ASPM: variants seen among roughly 807,000 people sequenced by gnomAD.
The protein encoded by ASPM is abnormal spindle-like microcephaly-associated protein.
A neutral mutation model predicts 366.4 loss-of-function variants in ASPM; 256 were observed. The ratio of observed to expected loss-of-function variants is 0.70; its 90% CI spans 0.63 to 0.77. ASPM has a LOEUF of 0.77. Ranked by LOEUF, ASPM falls within the 30% of genes least tolerant of loss-of-function variation. The probability of loss-of-function intolerance (pLI) is 0.00; values close to 1 mark genes in which losing one functional copy is unlikely to be tolerated. For synonymous variants in ASPM, 1,414 were observed against 1,342.9 expected (o/e 1.05, Z -1.16); for missense variants, 4,146 against 4,090.4 (o/e 1.01, Z -0.37).
rs1226058691 is a variant in ASPM at position 197,100,628 on chromosome 1, T to C, written c.8623A>G (p.Thr2875Ala). Residue 2875 changes from threonine (T) to alanine (A), a missense_variant, in exon 18 of 28, where the codon ACC becomes GCC. Coordinates refer to ENST00000367409, the MANE Select transcript of ASPM (RefSeq NM_018136.5). ...CTATATAGTAAAAACTGTTTTCTGGTTTGCCACGTCCTAAAATAATGCTGT... is the reference window on the plus strand; with the variant it reads ...CTATATAGTAAAAACTGTTTTCTGGCTTGCCACGTCCTAAAATAATGCTGT... Reference protein sequence around the residue: ...TLQHYFRTWQTRKQFLLYRKA... With the variant: ...TLQHYFRTWQARKQFLLYRKA... 1.5e-5 allele frequency: 24 copies of C among 1,612,082 alleles called. No individual in the cohort carries two copies. Among genetic ancestry groups the C allele is most frequent in the Non-Finnish European group, 2.0e-5 (24 of 1,178,884 alleles).
chr1:197,088,653 T>C (rs1656676573), intron 25 of ASPM, among the ~76,000 whole-genome samples: 1 of 152,096 alleles, frequency 6.6e-6, no homozygotes, highest in Non-Finnish European at 1.5e-5. Context: ...CTTTTCCCCC[T>C]AATTCTAAAG....
At chr1:197,124,797 T>C in intron 12 of ASPM, 73 bp downstream of exon 12, 1 of 1,220,206 alleles carries the variant, frequency 8.2e-7, no homozygotes, top group South Asian at 1.2e-5. Flanking sequence ...TATTCTTTAT[T>C]AGATTCAAAT....
At position 197,125,290 on chromosome 1, in the gene ASPM, T is replaced by G. The variant is rs542706414; in HGVS notation, c.2937-99A>C. On this transcript the variant is annotated intron_variant, in intron 10 of 27. Transcript: ENST00000367409. ...TATTTCCCACATAAATCCCAACAGTTACAGGGCTTTATGATCAGAAAGACT... is the reference window on the plus strand; with the variant it reads ...TATTTCCCACATAAATCCCAACAGTGACAGGGCTTTATGATCAGAAAGACT... The G allele has an allele frequency of 7.8e-6, 11 of 1,401,946 alleles. No homozygotes were observed. The African/African-American group carries it at 1.4e-4, about 18-fold the overall frequency. 86.8% of individuals were successfully genotyped at this position (1,401,946 alleles called of 1,614,324 possible). A position where few individuals can be genotyped will look rare whatever the true frequency, so the allele number is the denominator to read the frequency against.
In ASPM at chr1:197,105,073, T is replaced by C; in HGVS notation, c.4178A>G (p.Tyr1393Cys). The stretch of plus-strand genomic sequence containing the variant: ...CTGAATTGTAACTGTAGCCCAAAGA[T>C]ATCGTTTATAAGATGTAACAGCAAT... ...MIIAVTSYKR[Y>C]LWATVTIQRH... is the part of the protein sequence containing the mutation. The change falls in exon 18 of 28, where the codon TAT becomes TGT. Residue 1393 changes from tyrosine to cysteine, a missense_variant. By Grantham distance (194) the Tyr-to-Cys change is radical. Transcript: ENST00000367409. 1.2e-6 allele frequency: 2 copies of C among 1,610,192 alleles called. No homozygotes were observed. Among genetic ancestry groups the C allele is most frequent in the East Asian group, 2.2e-5 (1 of 44,732 alleles).
chr1:197,143,344 G>A lies in ASPM; in HGVS notation c.908C>T (p.Ser303Phe). The A allele has an allele frequency of 2.5e-6, 4 of 1,613,940 alleles. No homozygotes were observed. The highest frequency in any genetic ancestry group is 3.4e-6 in the Non-Finnish European group (4 of 1,179,832). Residue 303 changes from serine (S) to phenylalanine (F), a missense_variant, in exon 3 of 28, where the codon TCT (serine) becomes TTT (phenylalanine). Physicochemically the swap from Ser to Phe is radical, Grantham distance 155 (BLOSUM62 -2). This residue lies in a region of ASPM where 512 missense variants were observed against 471.7 expected (regional missense o/e 1.09). Transcript: ENST00000367409. ...GCTTTGTGTAATGTTCAAAGTTGAAGAACAGTTGGGGGTAAGACTAAGTTT... is the reference window on the plus strand; with the variant it reads ...GCTTTGTGTAATGTTCAAAGTTGAAAAACAGTTGGGGGTAAGACTAAGTTT... ...NSKLSLTPNC[S>F]STLNITQSQI...
At chr1:197,116,204 C>A (rs765227852) in intron 17 of ASPM, among the ~76,000 whole-genome samples, 21 of 152,154 alleles carry the variant, frequency 1.4e-4, no homozygotes, top group Middle Eastern at 3.2e-3. Flanking sequence ...TCATTCTCTG[C>A]TAGCTTCAAA....
chr1:197,115,778 T>C (rs934579853), intron 17 of ASPM, among the ~76,000 whole-genome samples: 4 of 152,200 alleles, frequency 2.6e-5, no homozygotes, highest in Non-Finnish European at 4.4e-5. Context: ...CAGTAAACCC[T>C]GCTATAAACA....
rs1226991303 is a variant in ASPM at position 197,103,384 on chromosome 1, G to T, written c.5867C>A (p.Ser1956Tyr). The change falls in exon 18 of 28, where the codon TCT becomes TAT. Residue 1956 changes from serine (S) to tyrosine (Y), a missense_variant. Coordinates refer to ENST00000367409, the MANE Select transcript of ASPM (RefSeq NM_018136.5). ...ELRHAVLVLQ[S>Y]MWKGKTLRRQ... ...TCTCAGTGTTTTTCCCTTCCACATAGATTGAAGCACCAGTACCGCATGACG... is the reference window on the plus strand; with the variant it reads ...TCTCAGTGTTTTTCCCTTCCACATATATTGAAGCACCAGTACCGCATGACG... 1.2e-6 allele frequency: 2 copies of T among 1,613,194 alleles called. No individual in the cohort carries two copies. Among genetic ancestry groups the T allele is most frequent in the Admixed American group, 3.3e-5 (2 of 59,884 alleles).
In ASPM at chr1:197,086,984, A is replaced by G; in HGVS notation, c.10162-12T>C. Reference sequence around the variant, plus strand: ...CTACTTCGTACATCCTACAAAATAAAATGCACAGTTACTAAAAAGTAATAA... The same window carrying G: ...CTACTTCGTACATCCTACAAAATAAGATGCACAGTTACTAAAAAGTAATAA... On this transcript the variant is annotated splice_polypyrimidine_tract_variant and intron_variant, in intron 26 of 27. Coordinates refer to ENST00000367409, the MANE Select transcript of ASPM (RefSeq NM_018136.5). 6.2e-7 allele frequency: 1 copy of G among 1,601,824 alleles called. No individual in the cohort carries two copies. The highest frequency in any genetic ancestry group is 8.5e-7 in the Non-Finnish European group (1 of 1,175,916).
Position 197,125,304 on chromosome 1 carries a change from A to G in ASPM, c.2937-113T>C, listed in dbSNP as rs1408479107. On this transcript the variant is annotated intron_variant, in intron 10 of 27. Coordinates refer to ENST00000367409, the MANE Select transcript of ASPM (RefSeq NM_018136.5). The stretch of plus-strand genomic sequence containing the variant: ...ATCCCAACAGTTACAGGGCTTTATG[A>G]TCAGAAAGACTTCAAAAAACTATCT... 3.1e-6 allele frequency: 4 copies of G among 1,294,456 alleles called. No homozygotes were observed. In the African/African-American group the frequency reaches 4.4e-5, roughly 14 times the overall value. 80.2% of individuals were successfully genotyped at this position (1,294,456 alleles called of 1,614,324 possible). A position where few individuals can be genotyped will look rare whatever the true frequency, so the allele number is the denominator to read the frequency against.
chr1:197,137,305 G>A (rs1164205015), intron 4 of ASPM, among the ~76,000 whole-genome samples: 1 of 152,080 alleles, frequency 6.6e-6, no homozygotes, highest in South Asian at 2.1e-4. Context: ...AATAATTGCC[G>A]CTATGTGTCA....
Position 197,133,283 on chromosome 1 carries a change from G to GA in ASPM, c.2419+66dup, listed in dbSNP as rs1269826964. On this transcript the variant is annotated intron_variant, in intron 6 of 27. Coordinates refer to ENST00000367409, the MANE Select transcript of ASPM (RefSeq NM_018136.5). ...CAATTATATGTCAATAAAGCCGGGG[G>GA]AAAAAAACACAAAATCTCTTGAATG... is the stretch of plus-strand genomic sequence containing the variant. 25 of 1,531,316 alleles carry GA rather than the reference G, an allele frequency of 1.6e-5. No individual in the cohort carries two copies. The East Asian group carries it at 2.7e-4, about 17-fold the overall frequency. The allele number at this position is 1,531,316 out of a possible 1,614,324, so 94.9% of individuals were successfully genotyped here. A position where few individuals can be genotyped will look rare whatever the true frequency, so the allele number is the denominator to read the frequency against.
At chr1:197,088,508 A>C in intron 25 of ASPM, 76 bp from the exon 26 acceptor site, 4 of 1,425,356 alleles carry the variant, frequency 2.8e-6, no homozygotes, top group Admixed American at 1.9e-5. Context: ...AAAAAACAAA[A>C]TACAAAAGTC....
At position 197,102,772 on chromosome 1, in the gene ASPM, C is replaced by G. The variant is rs539328833; in HGVS notation, c.6479G>C (p.Arg2160Pro). 6.2e-7 allele frequency: 1 copy of G among 1,612,514 alleles called. No homozygotes were observed. The highest frequency in any genetic ancestry group is 8.5e-7 in the Non-Finnish European group (1 of 1,179,204). ...CRAYYQGKMQ[R>P]EKYLTILKAV... ...TTTCAAAATTGTCAGGTACTTTTCA[C>G]GCTGCATTTTACCTTGATAATATGC... is the stretch of plus-strand genomic sequence containing the variant. The change falls in exon 18 of 28, where the codon CGT (arginine) becomes CCT (proline). Residue 2160 changes from arginine (R) to proline (P), a missense_variant. This residue lies in a region of ASPM where 3,624 missense variants were observed against 3,591.7 expected (regional missense o/e 1.01). Transcript: ENST00000367409.
chr1:197,116,398 A>C (rs1221626954), intron 17 of ASPM, among the ~76,000 whole-genome samples: 2 of 152,196 alleles, frequency 1.3e-5, no homozygotes, highest in African/African-American at 4.8e-5. Flanking sequence ...ACTAATGAAA[A>C]AGTTTGAAAT....
chr1:197,087,548 C>T (rs567654456), intron 26 of ASPM, among the ~76,000 whole-genome samples: 20 of 106,340 alleles, frequency 1.9e-4, no homozygotes, highest in Non-Finnish European at 2.9e-4. Context: ...GTCAACATAG[C>T]AATTATAGTC....
Position 197,104,488 on chromosome 1 carries a change from T to C in ASPM, c.4763A>G (p.Lys1588Arg). 6.2e-7 allele frequency: 1 copy of C among 1,612,764 alleles called. No individual in the cohort carries two copies. The highest frequency in any genetic ancestry group is 8.5e-7 in the Non-Finnish European group (1 of 1,179,336). The change falls in exon 18 of 28, where the codon AAA (lysine) becomes AGA (arginine). Residue 1588 changes from lysine to arginine, a missense_variant. Physicochemically the swap from Lys to Arg is conservative, Grantham distance 26. Coordinates refer to ENST00000367409, the MANE Select transcript of ASPM (RefSeq NM_018136.5). ...RFLNLKKTII[K>R]FQAHVRKHQQ... ...ATGTTTTCTTACATGTGCCTGAAAT[T>C]TGATAATAGTCTTCTTAAGGTTTAA...
At chr1:197,089,187 G>A (rs561345666) in intron 25 of ASPM, among the ~76,000 whole-genome samples, 6 of 152,042 alleles carry the variant, frequency 3.9e-5, no homozygotes, top group Admixed American at 1.3e-4. Flanking sequence ...TCAAACTCAA[G>A]CAGTTTGGCC....
At chr1:197,138,835 CTAT>C (rs1658496429) in intron 4 of ASPM, 1 of 805,220 alleles carries the variant, frequency 1.2e-6, no homozygotes. Flanking sequence ...TATAAAAAAT[CTAT>C]TATTTCTCCT....
Sources: gnomAD v4.1 joint callset for allele counts (sites outside exome capture counted in the v4.1 genomes callset) on GRCh38, gnomAD v4.1.1 for gene constraint, gnomAD v4.1.1 regional missense constraint, MANE v1.5 for transcripts, NCBI Gene and HGNC (gene_info 2026-07-23, HGNC 2026-07-21) for gene names.